ADAMTS16: variants seen among roughly 807,000 people sequenced by gnomAD.
ADAMTS16 encodes the protein A disintegrin and metalloproteinase with thrombospondin motifs 16.
A neutral mutation model predicts 145.8 loss-of-function variants in ADAMTS16; 94 were observed. The ratio of observed to expected loss-of-function variants is 0.64; its 90% CI spans 0.55 to 0.77. The LOEUF is 0.77. ADAMTS16 is among the 30% of genes least tolerant of loss of function. ADAMTS16 has a pLI of 0.00. For synonymous variants in ADAMTS16, 659 were observed against 604.3 expected (o/e 1.09, Z -1.33); for missense variants, 1,585 against 1,591.5 (o/e 1.00, Z 0.07).
Position 5,140,765 on chromosome 5 carries a change from C to A in ADAMTS16, c.174C>A (p.Gly58=). The A allele has an allele frequency of 6.4e-7, 1 of 1,557,424 alleles. No individual in the cohort carries two copies. The highest frequency in any genetic ancestry group is 8.7e-7 in the Non-Finnish European group (1 of 1,151,942). ...PAERPGWMEK[G]EYDLVSAYEV... ...AGCGGCCGGGCTGGATGGAAAAGGGCGGTAAGTCCGTGAGGTGGGGGCTTC... is the reference window on the plus strand; with the variant it reads ...AGCGGCCGGGCTGGATGGAAAAGGGAGGTAAGTCCGTGAGGTGGGGGCTTC... The change falls in exon 2 of 23, where the codon GGC becomes GGA. Residue 58 remains glycine, a splice_region_variant and synonymous_variant. Transcript: ENST00000274181.
chr5:5,270,841 T>C (rs1738441080), intron 18 of ADAMTS16, among the ~76,000 whole-genome samples: 1 of 152,236 alleles, frequency 6.6e-6, no homozygotes, highest in South Asian at 2.1e-4. Flanking sequence ...TACTGAATTC[T>C]GCCTCCCTGA....
chr5:5,177,838 C>T (rs61491784), intron 3 of ADAMTS16, among the ~76,000 whole-genome samples: 1,845 of 152,204 alleles, frequency 0.012, 37 homozygotes, highest in African/African-American at 0.042. Context: ...TACTTCTTTA[C>T]TGTGTTTATT....
intron 11 of ADAMTS16, among the ~76,000 whole-genome samples, chr5:5,224,301 G>GT (rs1005743162): frequency 1.0e-5 from 1 of 99,838 alleles, no homozygotes; most frequent in East Asian, 2.1e-4. Context: ...TTTCTTTTCT[G>GT]TTTTTTGAGA....
intron 17 of ADAMTS16, among the ~76,000 whole-genome samples, chr5:5,248,680 G>A (rs1737532432): frequency 1.3e-5 from 2 of 152,194 alleles, no homozygotes; most frequent in Non-Finnish European, 2.9e-5. Context: ...TAATATCTGA[G>A]CTTAATTGCC....
intron 9 of ADAMTS16, among the ~76,000 whole-genome samples, chr5:5,205,725 A>T (rs1334087514): frequency 1.3e-5 from 2 of 152,160 alleles, no homozygotes. Context: ...CTTATTTGCC[A>T]TCTATATATT....
In ADAMTS16 at chr5:5,209,142, T is replaced by C. The variant is rs1474150098; in HGVS notation, c.1501T>C (p.Tyr501His). The change falls in exon 10 of 23, where the codon TAC becomes CAC. Residue 501 changes from tyrosine (Y) to histidine (H), a missense_variant. Around this residue, in one of 3 missense-constraint regions of ADAMTS16, gnomAD observed 298 missense variants for 367.6 expected, o/e 0.81. Transcript: ENST00000274181. Reference protein sequence around the residue: ...LADQPKPVKEYKYPEKLPGEL... With the variant: ...LADQPKPVKEHKYPEKLPGEL... ...TGATCAGCCAAAGCCTGTGAAGGAA[T>C]ACAAGTATCCTGAGAAATTGCCAGG... The C allele has an allele frequency of 2.5e-6, 4 of 1,613,996 alleles. No individual in the cohort carries two copies. Among genetic ancestry groups the C allele is most frequent in the Non-Finnish European group, 3.4e-6 (4 of 1,179,904 alleles).
chr5:5,237,450 A>G (rs987899491), intron 14 of ADAMTS16, among the ~76,000 whole-genome samples: 1 of 152,176 alleles, frequency 6.6e-6, no homozygotes, highest in East Asian at 1.9e-4. Flanking sequence ...TGCCAGATGC[A>G]TGGGTTGCTA....
intron 9 of ADAMTS16, among the ~76,000 whole-genome samples, chr5:5,208,360 G>A (rs1397994559): frequency 1.3e-5 from 2 of 152,096 alleles, no homozygotes; most frequent in Non-Finnish European, 2.9e-5. Context: ...ATTTGTAGGA[G>A]GGATTTAGTT....
chr5:5,291,597 G>A (rs1739319052), intron 18 of ADAMTS16, among the ~76,000 whole-genome samples: 1 of 152,186 alleles, frequency 6.6e-6, no homozygotes, highest in Non-Finnish European at 1.5e-5. Flanking sequence ...CAGCTGGCAA[G>A]GTTGGAGCTG....
chr5:5,218,964 T>C lies in ADAMTS16; in HGVS notation c.1606-3825T>C, dbSNP rs533374222. On this transcript the variant is annotated intron_variant, in intron 10 of 22. Coordinates refer to ENST00000274181, the MANE Select transcript of ADAMTS16 (RefSeq NM_139056.4). Reference sequence around the variant, plus strand: ...ACGTTCAGCCACTGTGTGTGCCCATTAAGGTCTCAGGTTTCCACGGGCACA... The same window carrying C: ...ACGTTCAGCCACTGTGTGTGCCCATCAAGGTCTCAGGTTTCCACGGGCACA... 5.3e-5 allele frequency among the ~76,000 whole-genome samples: 8 copies of C among 152,226 alleles called. No individual in the cohort carries two copies. The East Asian group carries it at 1.5e-3, about 29-fold the overall frequency.
chr5:5,162,768 AG>A (rs1208619311), intron 3 of ADAMTS16, among the ~76,000 whole-genome samples: 1 of 151,602 alleles, frequency 6.6e-6, no homozygotes, highest in Non-Finnish European at 1.5e-5. Context: ...AAGAGAGGAG[AG>A]GAGAGGAGAG....
At chr5:5,251,171 A>G (rs1009874741) in intron 17 of ADAMTS16, among the ~76,000 whole-genome samples, 1 of 152,064 alleles carries the variant, frequency 6.6e-6, no homozygotes, top group Non-Finnish European at 1.5e-5. Context: ...TTCCTGAGAC[A>G]CCCCTCCTTG....
rs998936982 is a variant in ADAMTS16 at position 5,206,272 on chromosome 5, A to G, written c.1452-2821A>G. 2.8e-4 allele frequency among the ~76,000 whole-genome samples: 41 copies of G among 146,948 alleles called. 1 individual carries two copies. Among genetic ancestry groups the G allele is most frequent in the Non-Finnish European group, 4.8e-4 (32 of 66,876 alleles). On this transcript the variant is annotated intron_variant, in intron 9 of 22. Coordinates refer to ENST00000274181, the MANE Select transcript of ADAMTS16 (RefSeq NM_139056.4). Reference sequence around the variant, plus strand: ...AAACCCCGTCTCTACTAAAAATACAAAAAATTAGCCGGGCGTAGTGGCGGG... The same window carrying G: ...AAACCCCGTCTCTACTAAAAATACAGAAAATTAGCCGGGCGTAGTGGCGGG...
intron 18 of ADAMTS16, among the ~76,000 whole-genome samples, chr5:5,278,027 G>T (rs960456886): frequency 6.6e-6 from 1 of 152,138 alleles, no homozygotes; most frequent in African/African-American, 2.4e-5. Context: ...AGAAGAATCT[G>T]TTTAAATTGT....
At chr5:5,236,048 A>G (rs531702377) in intron 13 of ADAMTS16, among the ~76,000 whole-genome samples, 217 of 152,324 alleles carry the variant, frequency 1.4e-3, no homozygotes, top group African/African-American at 5.1e-3. Context: ...TAGGGAGGAG[A>G]GAAAGGTAGA....
At chr5:5,187,208 G>A (rs980064014) in intron 5 of ADAMTS16, among the ~76,000 whole-genome samples, 6 of 152,324 alleles carry the variant, frequency 3.9e-5, no homozygotes, top group South Asian at 2.1e-4. Flanking sequence ...CATGGTGGAC[G>A]TGCTGTTCCT....
intron 17 of ADAMTS16, among the ~76,000 whole-genome samples, chr5:5,255,254 A>G (rs1043283490): frequency 6.6e-5 from 10 of 152,178 alleles, no homozygotes; most frequent in Admixed American, 2.0e-4. Context: ...TCAATGTATC[A>G]GTGACAGTTT....
chr5:5,306,434 T>A, intron 20 of ADAMTS16, 70 bp from the exon 21 acceptor site: 1 of 1,348,908 alleles, frequency 7.4e-7, no homozygotes, highest in Non-Finnish European at 1.0e-6. Context: ...ATATCTCTGA[T>A]ATTTTAACCC....
intron 17 of ADAMTS16, among the ~76,000 whole-genome samples, chr5:5,244,524 G>A (rs1737384093): frequency 6.6e-6 from 1 of 152,142 alleles, no homozygotes. Flanking sequence ...AGCCTTTCAT[G>A]TCTGTGAAGT....
Sources: gnomAD v4.1 joint callset for allele counts (sites outside exome capture counted in the v4.1 genomes callset) on GRCh38, gnomAD v4.1.1 for gene constraint, gnomAD v4.1.1 regional missense constraint, MANE v1.5 for transcripts, NCBI Gene and HGNC (gene_info 2026-07-23, HGNC 2026-07-21) for gene names.